COL14A1: variants seen among roughly 807,000 people sequenced by gnomAD.
COL14A1 encodes collagen type XIV alpha 1 chain.
COL14A1 carries 136 observed loss-of-function variants against 230.3 expected under a neutral mutation model. The ratio of observed to expected loss-of-function variants is 0.59; its 90% CI spans 0.51 to 0.68. COL14A1 has a LOEUF of 0.68. Among genes scored for constraint, COL14A1 ranks in the 30% least tolerant of loss-of-function variants. The probability of loss-of-function intolerance (pLI) is 0.00; values close to 1 mark genes in which losing one functional copy is unlikely to be tolerated. For synonymous variants in COL14A1, 792 were observed against 784.1 expected, an observed-to-expected ratio of 1.01 and a Z score of -0.17; for missense variants, 1,976 against 2,215.8, an observed-to-expected ratio of 0.89 and a Z score of 2.17.
At chr8:120,213,115 T>C (rs911659902) in intron 13 of COL14A1, among the ~76,000 whole-genome samples, 1 of 152,216 alleles carries the variant, frequency 6.6e-6, no homozygotes, top group Non-Finnish European at 1.5e-5. Context: ...TGTCTTTAAC[T>C]GAGCCTATTA....
intron 17 of COL14A1, among the ~76,000 whole-genome samples, chr8:120,227,708 T>A (rs1818143145): frequency 6.6e-6 from 1 of 152,162 alleles, no homozygotes; most frequent in Admixed American, 6.5e-5. Context: ...TACAAATGAA[T>A]AGATTGCCAA....
At position 120,280,994 on chromosome 8, in the gene COL14A1, T is replaced by G; in HGVS notation, c.3759T>G (p.Pro1253=). ...CAGTGGAAGGGGTTTCTATGGAGCC[T>G]GGTACCTTCAATGTGTTTCCATGTT... is the stretch of plus-strand genomic sequence containing the variant. ...FSSVEGVSME[P]GTFNVFPCYQ... is the part of the protein sequence containing the mutation. Residue 1253 remains proline, a synonymous_variant, in exon 31 of 48, where the codon CCT becomes CCG. Transcript: ENST00000297848. The G allele has an allele frequency of 6.2e-7, 1 of 1,613,272 alleles. No individual in the cohort carries two copies.
chr8:120,269,979 A>C, intron 25 of COL14A1, 56 bp from the exon 26 acceptor site: 2 of 1,589,694 alleles, frequency 1.3e-6, no homozygotes, highest in Non-Finnish European at 1.7e-6. Context: ...TTATTGGTTT[A>C]ATAACTACTA....
chr8:120,289,857 C>T, intron 34 of COL14A1, 91 bp downstream of exon 34: 1 of 1,315,794 alleles, frequency 7.6e-7, no homozygotes. Flanking sequence ...AAAGGTTTAA[C>T]AAAAAGATGA....
chr8:120,249,380 A>T (rs1347248743), intron 21 of COL14A1, among the ~76,000 whole-genome samples: 1 of 152,148 alleles, frequency 6.6e-6, no homozygotes, highest in African/African-American at 2.4e-5. Context: ...TAGGAAAATA[A>T]AACAGTAAGA....
At chr8:120,296,175 G>A (rs1820525669) in intron 34 of COL14A1, among the ~76,000 whole-genome samples, 1 of 151,318 alleles carries the variant, frequency 6.6e-6, no homozygotes, top group Non-Finnish European at 1.5e-5. Flanking sequence ...TAAACCACCT[G>A]GAAAAAAAAA....
chr8:120,137,481 C>T (rs1317920212), intron 1 of COL14A1, among the ~76,000 whole-genome samples: 1 of 152,028 alleles, frequency 6.6e-6, no homozygotes, highest in East Asian at 1.9e-4. Flanking sequence ...TTATTAATCA[C>T]TTCCTTCAAC....
intron 34 of COL14A1, 79 bp from the exon 35 acceptor site, chr8:120,297,432 T>C (rs1784747823): frequency 1.5e-6 from 1 of 683,352 alleles, no homozygotes; most frequent in Non-Finnish European, 2.2e-6. Flanking sequence ...TATTCTGTTA[T>C]ATAATACATA....
chr8:120,244,841 A>G (rs1292607511), intron 20 of COL14A1, among the ~76,000 whole-genome samples: 4 of 152,200 alleles, frequency 2.6e-5, no homozygotes, highest in African/African-American at 9.7e-5. Context: ...GGTTTTCAGC[A>G]GATAAATGAT....
intron 26 of COL14A1, among the ~76,000 whole-genome samples, chr8:120,276,319 A>G (rs751204863): frequency 6.7e-6 from 1 of 150,372 alleles, no homozygotes; most frequent in South Asian, 2.1e-4. Flanking sequence ...TAGCTACACA[A>G]AGGAACACAG....
Position 120,162,519 on chromosome 8 carries a change from T to C in COL14A1, c.299T>C (p.Ile100Thr), listed in dbSNP as rs999194350. The change falls in exon 4 of 48, where the codon ATT (isoleucine) becomes ACT (threonine). Residue 100 changes from isoleucine (I) to threonine (T), a missense_variant. Ile to Thr is a moderately conservative substitution (Grantham distance 89). Around this residue, in one of 3 missense-constraint regions of COL14A1, gnomAD observed 181 missense variants for 178.6 expected, o/e 1.01. Coordinates refer to ENST00000297848, the MANE Select transcript of COL14A1 (RefSeq NM_021110.4). The stretch of plus-strand genomic sequence containing the variant: ...GACCAGAATTACACAGTTCAAATTA[T>C]TGCATACAATAAAGATAAAGAAAGC... ...MPDQNYTVQIIAYNKDKESKP... is the reference protein window; with the variant it reads ...MPDQNYTVQITAYNKDKESKP... The C allele has an allele frequency of 1.2e-6, 2 of 1,611,468 alleles. No homozygotes were observed. Among genetic ancestry groups the C allele is most frequent in the Non-Finnish European group, 1.7e-6 (2 of 1,178,898 alleles).
rs80114996 is a variant in COL14A1, at chr8:120,268,995, C to T, written c.3074-1040C>T. Among the ~76,000 whole-genome samples, 747 of 151,766 alleles carry T rather than the reference C, an allele frequency of 4.9e-3. 4 individuals are homozygous for T. The highest frequency in any genetic ancestry group is 8.8e-3 in the Non-Finnish European group (594 of 67,736). On this transcript the variant is annotated intron_variant, in intron 25 of 47. Coordinates refer to ENST00000297848, the MANE Select transcript of COL14A1 (RefSeq NM_021110.4). ...ATCGCAGAACTCAACCTTATCAGAT[C>T]CTTACTGCCCCTAAAGTATTAGCTC...
At chr8:120,301,234 G>A (rs1007819680) in intron 36 of COL14A1, among the ~76,000 whole-genome samples, 31 of 152,096 alleles carry the variant, frequency 2.0e-4, no homozygotes, top group African/African-American at 5.3e-4. Flanking sequence ...GGGTACATGC[G>A]AAGGTTTGTT....
intron 22 of COL14A1, among the ~76,000 whole-genome samples, chr8:120,252,898 G>A (rs957527090): frequency 5.3e-5 from 8 of 152,154 alleles, no homozygotes; most frequent in Non-Finnish European, 1.0e-4. Context: ...GAGGTGTCCT[G>A]AACTCTCTGT....
intron 40 of COL14A1, among the ~76,000 whole-genome samples, chr8:120,323,615 G>A (rs555605069): frequency 5.3e-5 from 8 of 152,068 alleles, no homozygotes; most frequent in South Asian, 2.1e-4. Context: ...GAAGGGGTCC[G>A]GTTTCAATCT....
At chr8:120,244,338 T>C (rs1235749732) in intron 20 of COL14A1, among the ~76,000 whole-genome samples, 5 of 152,234 alleles carry the variant, frequency 3.3e-5, no homozygotes, top group Non-Finnish European at 7.3e-5. Context: ...CTAACAGGTG[T>C]GCTCTAGTCC....
intron 18 of COL14A1, among the ~76,000 whole-genome samples, chr8:120,229,089 T>TTTTTCTTTTATTTTATTTTA (rs1554611479): frequency 2.2e-5 from 3 of 137,424 alleles, no homozygotes; most frequent in Admixed American, 7.4e-5. Context: ...TTTTTTTTTC[T>TTTTTCTTTTATTTTATTTTA]TTTTATTTTA....
At chr8:120,314,596 C>A (rs1463262476) in intron 38 of COL14A1, among the ~76,000 whole-genome samples, 1 of 152,122 alleles carries the variant, frequency 6.6e-6, no homozygotes, top group East Asian at 1.9e-4. Context: ...CTGTAGGAGT[C>A]TAGATTTAAG....
rs1321959383 is a variant in COL14A1, at chr8:120,266,896, T to C, written c.3073+13T>C. The C allele has an allele frequency of 6.2e-7, 1 of 1,600,400 alleles. No individual in the cohort carries two copies. Among genetic ancestry groups the C allele is most frequent in the Non-Finnish European group, 8.6e-7 (1 of 1,168,108 alleles). On this transcript the variant is annotated intron_variant, in intron 25 of 47. Transcript: ENST00000297848. ...CCAGCAAAAGAAGGTAAAAGAATAA[T>C]AGAATAATTATCTGATTCTAGGTTT... is the stretch of plus-strand genomic sequence containing the variant.
Sources: allele counts gnomAD v4.1 joint callset (sites outside exome capture counted in the v4.1 genomes callset), GRCh38; gene constraint gnomAD v4.1.1; regional missense constraint gnomAD v4.1.1; transcripts MANE v1.5; gene names NCBI Gene and HGNC (gene_info 2026-07-23, HGNC 2026-07-21).